Variants in SSBP4 observed in about 807,000 individuals in gnomAD.
The protein encoded by SSBP4 is single-stranded DNA-binding protein 4.
SSBP4 carries 33 observed loss-of-function variants against 64.6 expected under a neutral mutation model. The ratio of observed to expected loss-of-function variants is 0.51; its 90% CI spans 0.39 to 0.68. SSBP4 has a LOEUF of 0.68. Ranked by LOEUF, SSBP4 falls within the 30% of genes least tolerant of loss-of-function variation. SSBP4 has a pLI of 0.00. For synonymous variants in SSBP4, 243 were observed against 224.0 expected, an observed-to-expected ratio of 1.08 and a Z score of -0.76; for missense variants, 583 against 566.8, an observed-to-expected ratio of 1.03 and a Z score of -0.29.
chr19:18,412,405 G>A, the SSBP4 span, among the ~76,000 whole-genome samples: 9 of 147,706 alleles, frequency 6.1e-5, no homozygotes, highest in Non-Finnish European at 1.0e-4. Flanking sequence ...GGTTTGCAGT[G>A]AGTCGAGATC....
chr19:18,424,745 G>A (rs760391772), intron 1 of SSBP4, among the ~76,000 whole-genome samples: 20 of 152,038 alleles, frequency 1.3e-4, no homozygotes, highest in African/African-American at 4.3e-4. Flanking sequence ...TTTTTTAAAC[G>A]CAGTGATGTT....
the SSBP4 span, among the ~76,000 whole-genome samples, chr19:18,409,809 G>T: frequency 8.6e-5 from 13 of 151,902 alleles, no homozygotes; most frequent in Non-Finnish European, 1.6e-4. Flanking sequence ...ATGAGCCACC[G>T]TGCCTGGCCT....
At chr19:18,420,609 C>T (rs1006661281) in intron 1 of SSBP4, among the ~76,000 whole-genome samples, 1 of 152,042 alleles carries the variant, frequency 6.6e-6, no homozygotes, top group Non-Finnish European at 1.5e-5. Flanking sequence ...CCTGTAATCC[C>T]AGCACTTTGG....
chr19:18,415,873 A>C (rs1032550645), upstream of SSBP4, among the ~76,000 whole-genome samples: 5 of 151,924 alleles, frequency 3.3e-5, no homozygotes, highest in Non-Finnish European at 7.4e-5. Context: ...TATTTAGGGG[A>C]CATCCATGGT....
chr19:18,416,969 A>C (rs1047254569), upstream of SSBP4, among the ~76,000 whole-genome samples: 1 of 151,960 alleles, frequency 6.6e-6, no homozygotes. Context: ...GTGTTTGGAG[A>C]TCCTTCCCGG....
At chr19:18,415,214 C>T (rs1256776823), upstream of SSBP4, among the ~76,000 whole-genome samples, 1 of 152,222 alleles carries the variant, frequency 6.6e-6, no homozygotes, top group African/African-American at 2.4e-5. Context: ...GCAGACCCGG[C>T]TCCCAGCTGT....
rs1972605666 is a variant in SSBP4 at position 18,423,563 on chromosome 19, C to T, written c.60-3788C>T. Reference sequence around the variant, plus strand: ...CCAGCAGCATCTGTGTCTAGGAAGGCGCTGAGCAGGGAGCATCCATTGCAG... The same window carrying T: ...CCAGCAGCATCTGTGTCTAGGAAGGTGCTGAGCAGGGAGCATCCATTGCAG... On this transcript the variant is annotated intron_variant, in intron 1 of 17. Coordinates refer to ENST00000270061, the MANE Select transcript of SSBP4 (RefSeq NM_032627.5). This position sits in a 1 kb window ranked among gnomAD's most constrained non-coding sequence, Gnocchi z 4.0. 1.3e-5 allele frequency among the ~76,000 whole-genome samples: 2 copies of T among 152,132 alleles called. No homozygotes were observed. Among genetic ancestry groups the T allele is most frequent in the African/African-American group, 4.8e-5 (2 of 41,412 alleles).
upstream of SSBP4, chr19:18,419,303 C>T (rs143412704): frequency 4.3e-3 from 4,284 of 1,003,532 alleles, 18 homozygotes; most frequent in Admixed American, 7.8e-3. Flanking sequence ...GCGGGACCCA[C>T]CCGCGCGCCC....
intron 10 of SSBP4, 100 bp from the exon 11 acceptor site, chr19:18,432,455 TGGTC>T: frequency 6.8e-7 from 1 of 1,470,932 alleles, no homozygotes; most frequent in Non-Finnish European, 9.2e-7. Flanking sequence ...TGCTGCTCTG[TGGTC>T]GGTCTGGGGA....
the SSBP4 span, among the ~76,000 whole-genome samples, chr19:18,409,330 G>C: frequency 1.3e-5 from 2 of 151,944 alleles, no homozygotes; most frequent in Admixed American, 1.3e-4. Context: ...GGGATTGCAG[G>C]TGTGCGCCAC....
intron 15 of SSBP4, 74 bp from the exon 16 acceptor site, chr19:18,433,511 C>T: frequency 1.3e-6 from 2 of 1,531,776 alleles, no homozygotes; most frequent in Non-Finnish European, 1.8e-6. Context: ...TTGCGAGGGT[C>T]GTTGGCCCCT....
intron 1 of SSBP4, among the ~76,000 whole-genome samples, 199 bp downstream of exon 1, chr19:18,419,906 G>T (rs971428887): frequency 8.6e-5 from 13 of 150,396 alleles, no homozygotes; most frequent in Non-Finnish European, 1.9e-4. Flanking sequence ...ACCCTGAGGG[G>T]TCGCCGGAGT....
upstream of SSBP4, among the ~76,000 whole-genome samples, chr19:18,417,886 G>A (rs1038800133): frequency 4.6e-5 from 7 of 152,220 alleles, no homozygotes; most frequent in Non-Finnish European, 1.0e-4. The surrounding 1 kb of genome is among the most constrained non-coding windows in gnomAD (Gnocchi z 5.4). Flanking sequence ...GTGGGGGCGG[G>A]GGGTTCTCAC....
At chr19:18,410,017 G>C in the SSBP4 span, among the ~76,000 whole-genome samples, 1 of 151,522 alleles carries the variant, frequency 6.6e-6, no homozygotes, top group Non-Finnish European at 1.5e-5. Flanking sequence ...TTTTGGAGAC[G>C]GAGTCTCGCT....
In SSBP4 at chr19:18,432,206, C is replaced by T. The variant is rs1236692419; in HGVS notation, c.696C>T (p.Ala232=). ...PNSLAGPGLP[A]MNMGPGVRGP... ...CCCTCGCCGGCCCAGGCCTGCCTGCCATGAACATGTAAGACCCTGGGGGAT... is the reference window on the plus strand; with the variant it reads ...CCCTCGCCGGCCCAGGCCTGCCTGCTATGAACATGTAAGACCCTGGGGGAT... Residue 232 remains alanine, a synonymous_variant, in exon 10 of 18, where the codon GCC becomes GCT. Coordinates refer to ENST00000270061, the MANE Select transcript of SSBP4 (RefSeq NM_032627.5). 1 of 1,613,170 alleles carries T rather than the reference C, an allele frequency of 6.2e-7. No individual in the cohort carries two copies. Among genetic ancestry groups the T allele is most frequent in the Non-Finnish European group, 8.5e-7 (1 of 1,179,988 alleles).
chr19:18,427,725 C>A lies in SSBP4; in HGVS notation c.133-27C>A, dbSNP rs750842551. 6.4e-7 allele frequency: 1 copy of A among 1,560,558 alleles called. No individual in the cohort carries two copies. Among genetic ancestry groups the A allele is most frequent in the Non-Finnish European group, 8.7e-7 (1 of 1,147,968 alleles). Reference sequence around the variant, plus strand: ...GTGGGGCAGGGTCAGGTAGGGCCACCCCCTCACCACCTTCCTTTCCCTGCA... The same window carrying A: ...GTGGGGCAGGGTCAGGTAGGGCCACACCCTCACCACCTTCCTTTCCCTGCA... On this transcript the variant is annotated intron_variant, in intron 2 of 17. Coordinates refer to ENST00000270061, the MANE Select transcript of SSBP4 (RefSeq NM_032627.5). The surrounding 1 kb of genome is among the most constrained non-coding windows in gnomAD (Gnocchi z 4.4).
intron 1 of SSBP4, chr19:18,420,108 G>C (rs960577362): frequency 1.3e-5 from 2 of 152,796 alleles, no homozygotes; most frequent in African/African-American, 4.8e-5. Flanking sequence ...CGAGGCTGCG[G>C]ACGCATGGGG....
intron 4 of SSBP4, among the ~76,000 whole-genome samples, chr19:18,428,299 C>T (rs1012703355): frequency 1.3e-5 from 2 of 152,210 alleles, no homozygotes; most frequent in Admixed American, 1.3e-4. Context: ...CTCATGTGAG[C>T]CTGCGTGGAG....
chr19:18,417,102 CG>C (rs1482703856), upstream of SSBP4, among the ~76,000 whole-genome samples: 1 of 152,104 alleles, frequency 6.6e-6, no homozygotes, highest in Non-Finnish European at 1.5e-5. This position sits in a 1 kb window ranked among gnomAD's most constrained non-coding sequence, Gnocchi z 5.4. Flanking sequence ...CGCCCTCCCC[CG>C]GGAGACCGAC....
Sources: gnomAD v4.1 joint callset for allele counts (sites outside exome capture counted in the v4.1 genomes callset) on GRCh38, gnomAD v4.1.1 for gene constraint, Gnocchi (gnomAD v3.1) non-coding constraint, MANE v1.5 for transcripts, NCBI Gene and HGNC (gene_info 2026-07-23, HGNC 2026-07-21) for gene names.